Variants in MTUS2 observed in about 807,000 individuals in gnomAD.
MTUS2 encodes the protein microtubule-associated tumor suppressor candidate 2.
In MTUS2, 40 loss-of-function variants were observed where a neutral mutation model predicts 114.1. The ratio of observed to expected loss-of-function variants is 0.35; its 90% CI spans 0.27 to 0.46. The LOEUF (loss-of-function observed/expected upper bound fraction) is 0.46, where lower values mean the gene tolerates loss of function less well. Ranked by LOEUF, MTUS2 falls within the 20% of genes least tolerant of loss-of-function variation. MTUS2 has a pLI of 1.00. For missense variants in MTUS2, 1,679 were observed against 1,705.4 expected, an observed-to-expected ratio of 0.98 and a Z score of 0.27; for synonymous variants, 688 against 672.0, an observed-to-expected ratio of 1.02 and a Z score of -0.37.
intron 2 of MTUS2, among the ~76,000 whole-genome samples, chr13:28,946,537 T>G (rs1173687677): frequency 6.6e-6 from 1 of 152,216 alleles, no homozygotes; most frequent in African/African-American, 2.4e-5. Flanking sequence ...ACAACTATTA[T>G]GTAACATCAT....
chr13:29,379,197 A>T (rs78188785), intron 8 of MTUS2, among the ~76,000 whole-genome samples: 131 of 152,310 alleles, frequency 8.6e-4, no homozygotes, highest in African/African-American at 2.9e-3. Flanking sequence ...ATGAGAACAG[A>T]CTAATACACT....
At chr13:29,133,897 CTACCCTT>C in intron 5 of MTUS2, among the ~76,000 whole-genome samples, 1 of 152,284 alleles carries the variant, frequency 6.6e-6, no homozygotes, top group South Asian at 2.1e-4. Flanking sequence ...GTACTCTGCT[CTACCCTT>C]TACTGTTTCC....
At chr13:29,419,215 G>T (rs929100341) in intron 8 of MTUS2, among the ~76,000 whole-genome samples, 4 of 152,164 alleles carry the variant, frequency 2.6e-5, no homozygotes, top group African/African-American at 9.7e-5. Flanking sequence ...TTAGGCACCT[G>T]CTGGGACTCG....
intron 5 of MTUS2, among the ~76,000 whole-genome samples, chr13:29,116,921 C>T (rs1051113009): frequency 6.6e-6 from 1 of 152,198 alleles, no homozygotes; most frequent in African/African-American, 2.4e-5. Context: ...TTTTGGACTA[C>T]AGTTGACCCT....
rs111317980 is a variant in MTUS2, at chr13:29,036,578, C to T, written c.2446+2453C>T. ...CTGAATATCCTTGTTAATTTTGTCT[C>T]GTTGATCTGTCTAATATTGACAGTG... On this transcript the variant is annotated intron_variant, in intron 4 of 15. Transcript: ENST00000612955. Among the ~76,000 whole-genome samples, 502 of 152,266 alleles carry T rather than the reference C, an allele frequency of 3.3e-3. 2 individuals carry two copies. Among genetic ancestry groups the T allele is most frequent in the African/African-American group, 0.011 (475 of 41,558 alleles).
intron 8 of MTUS2, among the ~76,000 whole-genome samples, chr13:29,434,667 G>A (rs1025819694): frequency 2.6e-5 from 4 of 152,196 alleles, no homozygotes; most frequent in African/African-American, 9.6e-5. Context: ...TCACACGGAT[G>A]ATGCTAACAA....
intron 2 of MTUS2, among the ~76,000 whole-genome samples, chr13:28,924,213 A>C (rs1413038148): frequency 6.6e-6 from 1 of 152,144 alleles, no homozygotes. Context: ...GTCCCTGACT[A>C]TTCCACCATT....
rs375255340 is a variant in MTUS2 at position 28,884,214 on chromosome 13, AT to A, written c.-243+44367del. Among the ~76,000 whole-genome samples, 326 of 152,332 alleles carry A rather than the reference AT, an allele frequency of 2.1e-3. 1 individual carries two copies. The highest frequency in any genetic ancestry group is 7.2e-3 in the African/African-American group (301 of 41,584). On this transcript the variant is annotated intron_variant, in intron 2 of 15. Coordinates refer to ENST00000612955, the MANE Select transcript of MTUS2 (RefSeq NM_001033602.4). ...TGGTATATACATATGATGGAATATT[AT>A]TTAGCCTTAAAAAGGAAGGAAATTC...
intron 5 of MTUS2, among the ~76,000 whole-genome samples, chr13:29,263,519 G>C (rs1484056339): frequency 6.6e-6 from 1 of 152,156 alleles, no homozygotes; most frequent in Admixed American, 6.5e-5. Flanking sequence ...AATAAAGAAA[G>C]GGGGTTTAAT....
chr13:29,026,472 A>G lies in MTUS2; in HGVS notation c.1774A>G (p.Thr592Ala), dbSNP rs1248157560. ...NTSPKVPDKNTCPSGIPKPVF... is the reference protein window; with the variant it reads ...NTSPKVPDKNACPSGIPKPVF... ...GTCCCCCAAAGTGCCTGACAAGAAC[A>G]CTTGCCCCAGTGGGATCCCCAAGCC... The change falls in exon 3 of 16, where the codon ACT becomes GCT. Residue 592 changes from threonine to alanine, a missense_variant. By Grantham distance (58) the Thr-to-Ala change is moderately conservative (BLOSUM62 0). Coordinates refer to ENST00000612955, the MANE Select transcript of MTUS2 (RefSeq NM_001033602.4). 6.2e-7 allele frequency: 1 copy of G among 1,613,974 alleles called. No homozygotes were observed. Among genetic ancestry groups the G allele is most frequent in the Non-Finnish European group, 8.5e-7 (1 of 1,179,886 alleles).
chr13:29,222,959 G>A (rs948140446), intron 5 of MTUS2, among the ~76,000 whole-genome samples: 2 of 152,220 alleles, frequency 1.3e-5, no homozygotes, highest in South Asian at 2.1e-4. Context: ...GGGCACCAAC[G>A]AACATGGGAC....
intron 2 of MTUS2, among the ~76,000 whole-genome samples, chr13:28,865,183 G>T (rs1024784542): frequency 6.6e-6 from 1 of 152,112 alleles, no homozygotes; most frequent in Admixed American, 6.5e-5. Flanking sequence ...GACATGTATG[G>T]CTCCTACGAC....
chr13:28,985,107 A>G (rs1884522694), intron 2 of MTUS2, among the ~76,000 whole-genome samples: 1 of 152,214 alleles, frequency 6.6e-6, no homozygotes, highest in African/African-American at 2.4e-5. Context: ...TCATGTGTCA[A>G]CCTTTTGGAG....
chr13:29,483,093 C>T (rs1396655344), intron 10 of MTUS2, among the ~76,000 whole-genome samples: 1 of 152,220 alleles, frequency 6.6e-6, no homozygotes, highest in Non-Finnish European at 1.5e-5. Flanking sequence ...CTTGGGGCCT[C>T]CTTCTCAGGG....
At chr13:29,468,002 G>A (rs1880008329) in intron 9 of MTUS2, among the ~76,000 whole-genome samples, 1 of 152,028 alleles carries the variant, frequency 6.6e-6, no homozygotes, top group Non-Finnish European at 1.5e-5. Context: ...TATAGTCCCA[G>A]CATCGGTGGT....
At chr13:29,434,338 G>T (rs570905479) in intron 8 of MTUS2, among the ~76,000 whole-genome samples, 2 of 152,222 alleles carry the variant, frequency 1.3e-5, no homozygotes, top group Admixed American at 1.3e-4. Context: ...TTTGCCTGGG[G>T]TGCTCTCTGC....
At chr13:28,959,151 C>T (rs188210468) in intron 2 of MTUS2, among the ~76,000 whole-genome samples, 3 of 152,248 alleles carry the variant, frequency 2.0e-5, no homozygotes, top group Non-Finnish European at 2.9e-5. Flanking sequence ...CAACAACAGC[C>T]GGCTTTCTCT....
chr13:29,143,919 T>C lies in MTUS2; in HGVS notation c.2644+42949T>C, dbSNP rs75456571. Reference sequence around the variant, plus strand: ...CAAGAGATATTAGAGGGAAAAGCAATGTGTCATGGTGCTTAACACATTTAT... The same window carrying C: ...CAAGAGATATTAGAGGGAAAAGCAACGTGTCATGGTGCTTAACACATTTAT... On this transcript the variant is annotated intron_variant, in intron 5 of 15. Coordinates refer to ENST00000612955, the MANE Select transcript of MTUS2 (RefSeq NM_001033602.4). 2.7e-3 allele frequency among the ~76,000 whole-genome samples: 418 copies of C among 152,330 alleles called. 2 individuals are homozygous for C. Among genetic ancestry groups the C allele is most frequent in the African/African-American group, 9.6e-3 (398 of 41,596 alleles).
rs141986351 is a variant in MTUS2 at position 29,218,939 on chromosome 13, A to G, written c.2645-62765A>G. Among the ~76,000 whole-genome samples the G allele has an allele frequency of 2.8e-3, 401 of 144,518 alleles. 2 individuals are homozygous for G. The highest frequency in any genetic ancestry group is 9.7e-3 in the African/African-American group (377 of 38,904). The allele number at this position is 144,518 out of a possible 152,430, so 94.8% of individuals were successfully genotyped here. A position where few individuals can be genotyped will look rare whatever the true frequency, so the allele number is the denominator to read the frequency against. On this transcript the variant is annotated intron_variant, in intron 5 of 15. Coordinates refer to ENST00000612955, the MANE Select transcript of MTUS2 (RefSeq NM_001033602.4). ...CATTGGCGTTAACTTAAAGTTTCCA[A>G]TTGCATTCATTTCTTTTTTTTTTTT... is the stretch of plus-strand genomic sequence containing the variant.
Sources: allele counts gnomAD v4.1 joint callset (sites outside exome capture counted in the v4.1 genomes callset), GRCh38; gene constraint gnomAD v4.1.1; transcripts MANE v1.5; gene names NCBI Gene and HGNC (gene_info 2026-07-23, HGNC 2026-07-21).